PPM1D: variants seen among roughly 807,000 people sequenced by gnomAD.
PPM1D encodes protein phosphatase 1D.
PPM1D carries 52 observed loss-of-function variants against 58.3 expected under a neutral mutation model. The observed-to-expected ratio is 0.89, with a 90% CI of 0.71 to 1.12. The LOEUF (loss-of-function observed/expected upper bound fraction) is 1.12, where lower values mean the gene tolerates loss of function less well. Among genes scored for constraint, PPM1D ranks in the 50% most tolerant of loss-of-function variants. PPM1D has a pLI of 0.00. For synonymous variants in PPM1D, 278 were observed against 285.1 expected (o/e 0.98, Z 0.25); for missense variants, 564 against 777.2 (o/e 0.73, Z 3.26).
At chr17:60,638,769 T>C (rs1200505628) in intron 3 of PPM1D, among the ~76,000 whole-genome samples, 2 of 152,186 alleles carry the variant, frequency 1.3e-5, no homozygotes, top group Non-Finnish European at 2.9e-5. Context: ...TAAATGCTCA[T>C]ATTTAGCACA....
chr17:60,627,719 C>T (rs1197873606), intron 2 of PPM1D, among the ~76,000 whole-genome samples: 4 of 152,070 alleles, frequency 2.6e-5, no homozygotes, highest in East Asian at 3.9e-4. Flanking sequence ...TTCGCCTGAC[C>T]AGGAAGGAGT....
At chr17:60,636,514 G>T (rs535116404) in intron 3 of PPM1D, among the ~76,000 whole-genome samples, 68 of 152,266 alleles carry the variant, frequency 4.5e-4, no homozygotes, top group Non-Finnish European at 7.6e-4. Flanking sequence ...ATAAAGCAGG[G>T]AATGCTATGA....
intron 4 of PPM1D, among the ~76,000 whole-genome samples, chr17:60,648,388 T>A (rs897960172): frequency 1.7e-4 from 20 of 118,728 alleles, no homozygotes; most frequent in Admixed American, 8.2e-4. Context: ...AATTTATCGT[T>A]TTTTTTTTTT....
intron 3 of PPM1D, among the ~76,000 whole-genome samples, chr17:60,641,006 A>G (rs146522288): frequency 6.6e-6 from 1 of 151,314 alleles, no homozygotes; most frequent in Admixed American, 6.6e-5. Flanking sequence ...TTCACTTTTG[A>G]TGGGCACCTA....
intron 1 of PPM1D, among the ~76,000 whole-genome samples, chr17:60,621,425 C>T (rs547997430): frequency 6.6e-6 from 1 of 152,030 alleles, no homozygotes; most frequent in Non-Finnish European, 1.5e-5. Context: ...GACAGGATCT[C>T]ACTCTGTTGG....
intron 1 of PPM1D, among the ~76,000 whole-genome samples, chr17:60,612,657 A>G (rs2030482867): frequency 6.6e-6 from 1 of 152,240 alleles, no homozygotes. Context: ...AAGATATAAA[A>G]AGATCAGAAA....
intron 1 of PPM1D, among the ~76,000 whole-genome samples, chr17:60,615,401 CTCTG>C (rs965033762): frequency 3.3e-5 from 5 of 151,582 alleles, no homozygotes; most frequent in East Asian, 1.9e-4. Context: ...CAGAGTGAGA[CTCTG>C]TCTGAGGAAA....
In PPM1D at chr17:60,656,950, G is replaced by A. The variant is rs757505789; in HGVS notation, c.1260+109G>A. On this transcript the variant is annotated intron_variant, in intron 5 of 5. Coordinates refer to ENST00000305921, the MANE Select transcript of PPM1D (RefSeq NM_003620.4). ...CTTACAGGATTTTGGATTTGAACTC[G>A]ATTCAAGAAAGTGATGTAACTTATT... is the stretch of plus-strand genomic sequence containing the variant. 7 of 1,593,706 alleles carry A rather than the reference G, an allele frequency of 4.4e-6. No individual in the cohort carries two copies. In the South Asian group the frequency reaches 6.7e-5, roughly 15 times the overall value.
At chr17:60,606,304 A>G (rs1328467744) in intron 1 of PPM1D, among the ~76,000 whole-genome samples, 1 of 152,168 alleles carries the variant, frequency 6.6e-6, no homozygotes, top group Non-Finnish European at 1.5e-5. Context: ...GTTGATGGAC[A>G]TTTGGGTTGT....
rs1203195144 is a variant in PPM1D, at chr17:60,662,987, T to G, written c.1261-8T>G. ...TTTTCTTATTTGTTTTACCTTCTTATTTTTCAGTCACTGGAGGAGGATCCA... is the reference window on the plus strand; with the variant it reads ...TTTTCTTATTTGTTTTACCTTCTTAGTTTTCAGTCACTGGAGGAGGATCCA... On this transcript the variant is annotated splice_region_variant and splice_polypyrimidine_tract_variant and intron_variant, in intron 5 of 5. Coordinates refer to ENST00000305921, the MANE Select transcript of PPM1D (RefSeq NM_003620.4). 1.9e-6 allele frequency: 3 copies of G among 1,582,622 alleles called. No homozygotes were observed. Among genetic ancestry groups the G allele is most frequent in the Non-Finnish European group, 2.6e-6 (3 of 1,165,890 alleles).
intron 4 of PPM1D, among the ~76,000 whole-genome samples, chr17:60,653,034 C>CTGG (rs2031373501): frequency 2.0e-5 from 3 of 152,094 alleles, no homozygotes; most frequent in Admixed American, 2.0e-4. Context: ...GCTTTGGTTG[C>CTGG]CAGTGCTTTT....
intron 3 of PPM1D, among the ~76,000 whole-genome samples, chr17:60,641,622 A>C (rs1338227438): frequency 6.6e-6 from 1 of 152,106 alleles, no homozygotes; most frequent in South Asian, 2.1e-4. Context: ...TTTTTGTTAC[A>C]GTTGCTTTTG....
chr17:60,617,022 A>G (rs543703083), intron 1 of PPM1D, among the ~76,000 whole-genome samples: 1 of 152,234 alleles, frequency 6.6e-6, no homozygotes, highest in Admixed American at 6.5e-5. Context: ...ATTATAGCTC[A>G]CTGCAGCCTT....
chr17:60,644,674 ATCCACAGAT>A lies in PPM1D; in HGVS notation c.827-3213_827-3205del, dbSNP rs545496551. 9.7e-4 allele frequency among the ~76,000 whole-genome samples: 148 copies of A among 152,334 alleles called. 2 individuals carry two copies. Among genetic ancestry groups the A allele is most frequent in the African/African-American group, 3.4e-3 (143 of 41,570 alleles). ...TCAGCAAATAACTAAAACCAGCTCT[ATCCACAGAT>A]TCCAACACTATCTGCATAAAAAATC... On this transcript the variant is annotated intron_variant, in intron 3 of 5. Transcript: ENST00000305921.
chr17:60,601,551 C>T (rs1471853146), intron 1 of PPM1D, among the ~76,000 whole-genome samples: 5 of 152,072 alleles, frequency 3.3e-5, no homozygotes, highest in African/African-American at 1.2e-4. Context: ...AAAACTGGCC[C>T]CGTGTTAAGG....
At chr17:60,662,249 G>C (rs573481218) in intron 5 of PPM1D, 2 of 152,052 alleles carry the variant, frequency 1.3e-5, no homozygotes, top group Non-Finnish European at 2.9e-5. Flanking sequence ...TGCCCGCCTC[G>C]ACCTCCCAAA....
At chr17:60,622,837 C>G (rs1468335296) in intron 1 of PPM1D, among the ~76,000 whole-genome samples, 1 of 152,110 alleles carries the variant, frequency 6.6e-6, no homozygotes, top group African/African-American at 2.4e-5. Context: ...TGGCTCATGC[C>G]CATGATCCCA....
intron 1 of PPM1D, among the ~76,000 whole-genome samples, chr17:60,607,402 C>G (rs1030338680): frequency 5.9e-5 from 9 of 152,204 alleles, no homozygotes; most frequent in African/African-American, 2.2e-4. Flanking sequence ...CCTGCCTCAG[C>G]TTCCCGAGTA....
intron 1 of PPM1D, among the ~76,000 whole-genome samples, chr17:60,609,552 TGC>T (rs2030410786): frequency 6.6e-6 from 1 of 152,240 alleles, no homozygotes; most frequent in Non-Finnish European, 1.5e-5. Flanking sequence ...TTAACTTGTG[TGC>T]TGTTGGGAGT....
Sources: gnomAD v4.1 joint callset for allele counts (sites outside exome capture counted in the v4.1 genomes callset) on GRCh38, gnomAD v4.1.1 for gene constraint, MANE v1.5 for transcripts, NCBI Gene and HGNC (gene_info 2026-07-23, HGNC 2026-07-21) for gene names.